Variants in CTSB observed in about 807,000 individuals in gnomAD.
The protein encoded by CTSB is cathepsin B.
A neutral mutation model predicts 44.3 loss-of-function variants in CTSB; 57 were observed. The ratio of observed to expected loss-of-function variants is 1.29; its 90% CI spans 1.04 to 1.60. The LOEUF (loss-of-function observed/expected upper bound fraction) is 1.60, where lower values mean the gene tolerates loss of function less well. Ranked by LOEUF, CTSB falls within the 40% of genes most tolerant of loss-of-function variation. The pLI is 0.00. For missense variants in CTSB, 768 were observed against 443.0 expected, an observed-to-expected ratio of 1.73 and a Z score of -6.59; for synonymous variants, 320 against 168.0, an observed-to-expected ratio of 1.91 and a Z score of -7.00.
At chr8:11,847,023 C>G (rs1006473989) in intron 8 of CTSB, 29 bp downstream of exon 8, 1 of 1,199,626 alleles carries the variant, frequency 8.3e-7, no homozygotes, top group African/African-American at 1.5e-5. Context: ...GACCCCCACC[C>G]TCTATTGCCA....
Position 11,847,128 on chromosome 8 carries a change from G to A in CTSB, c.717C>T (p.Ile239=), listed in dbSNP as rs1813531381. ...SYSVSNSEKD[I]MAEIYKNGPV... is the part of the protein sequence containing the mutation. ...GGCCGTTTTTGTAGATCTCGGCCATGATGTCCTTCTCGCTATTGGAGACGC... is the reference window on the plus strand; with the variant it reads ...GGCCGTTTTTGTAGATCTCGGCCATAATGTCCTTCTCGCTATTGGAGACGC... The change falls in exon 8 of 10, where the codon ATC becomes ATT. Residue 239 remains isoleucine (I), a synonymous_variant. Coordinates refer to ENST00000353047, the MANE Select transcript of CTSB (RefSeq NM_001908.5). 4 of 1,599,424 alleles carry A rather than the reference G, an allele frequency of 2.5e-6. No homozygotes were observed. Among genetic ancestry groups the A allele is most frequent in the Non-Finnish European group, 3.4e-6 (4 of 1,173,104 alleles).
intron 4 of CTSB, 70 bp from the exon 5 acceptor site, chr8:11,849,234 A>C (rs1814072276): frequency 8.2e-7 from 1 of 1,222,124 alleles, no homozygotes; most frequent in South Asian, 1.2e-5. Flanking sequence ...GTCCCCTCAA[A>C]GGGCCACAGG....
chr8:11,848,026 C>G (rs142574064), intron 6 of CTSB, 41 bp downstream of exon 6: 1 of 1,512,456 alleles, frequency 6.6e-7, no homozygotes, highest in East Asian at 2.3e-5. Flanking sequence ...ATTGCTCAAA[C>G]AATCCATCTG....
chr8:11,852,751 AC>A, intron 2 of CTSB, 56 bp from the exon 3 acceptor site: 1 of 1,511,238 alleles, frequency 6.6e-7, no homozygotes, highest in Non-Finnish European at 9.2e-7. Flanking sequence ...GTGGATGGGC[AC>A]GCTGCCCACA....
chr8:11,849,833 A>T (rs925507401), intron 4 of CTSB, among the ~76,000 whole-genome samples: 5 of 151,960 alleles, frequency 3.3e-5, no homozygotes, highest in Non-Finnish European at 7.4e-5. Flanking sequence ...CGCCTGCCTC[A>T]GCCTCCCAAA....
Position 11,850,997 on chromosome 8 carries a change from C to A in CTSB, c.213-17G>T. Reference sequence around the variant, plus strand: ...AACATAACTCTGGATAAAGGAAGGTCTTCATTACAAGCTCTGATCCCACAA... The same window carrying A: ...AACATAACTCTGGATAAAGGAAGGTATTCATTACAAGCTCTGATCCCACAA... On this transcript the variant is annotated splice_polypyrimidine_tract_variant and intron_variant, in intron 3 of 9. Transcript: ENST00000353047. 1 of 1,585,778 alleles carries A rather than the reference C, an allele frequency of 6.3e-7. No homozygotes were observed. Among genetic ancestry groups the A allele is most frequent in the South Asian group, 1.1e-5 (1 of 89,486 alleles).
chr8:11,851,232 C>T (rs1361643525), intron 3 of CTSB, among the ~76,000 whole-genome samples: 6 of 152,170 alleles, frequency 3.9e-5, no homozygotes, highest in Non-Finnish European at 7.3e-5. Flanking sequence ...CTGTGTCATC[C>T]AGGCTGGAGT....
At chr8:11,860,500 T>C (rs2150440239) in intron 1 of CTSB, among the ~76,000 whole-genome samples, 1 of 152,268 alleles carries the variant, frequency 6.6e-6, no homozygotes, top group South Asian at 2.1e-4. Context: ...GTTGTGCACC[T>C]ATAATCCCAA....
chr8:11,850,638 G>C, intron 4 of CTSB: 7 of 406,624 alleles, frequency 1.7e-5, no homozygotes, highest in Non-Finnish European at 3.2e-5. Flanking sequence ...TTCGCCACCT[G>C]TACACGTGGA....
In CTSB at chr8:11,847,840, AAAGCGGAGTCAACCTAC is replaced by A. The variant is rs1813712489; in HGVS notation, c.533-35_533-19del. Reference sequence around the variant, plus strand: ...TCTGCACCCTGATGGGACGCGGGAGAAAGCGGAGTCAACCTACAGCCCCCACGGAGAAGACCTGGGGC... The same window carrying A: ...TCTGCACCCTGATGGGACGCGGGAGAAGCCCCCACGGAGAAGACCTGGGGC... On this transcript the variant is annotated intron_variant, in intron 6 of 9. Coordinates refer to ENST00000353047, the MANE Select transcript of CTSB (RefSeq NM_001908.5). The A allele has an allele frequency of 6.4e-7, 1 of 1,554,930 alleles. No homozygotes were observed. The highest frequency in any genetic ancestry group is 1.5e-5 in the African/African-American group (1 of 65,570).
At chr8:11,854,797 G>C (rs943626929) in intron 1 of CTSB, 1 of 152,406 alleles carries the variant, frequency 6.6e-6, no homozygotes. Flanking sequence ...AAAGAGCTCT[G>C]ACGGGAGCCC....
intron 4 of CTSB, 33 bp from the exon 5 acceptor site, chr8:11,849,197 C>T (rs1814061592): frequency 6.3e-7 from 1 of 1,581,328 alleles, no homozygotes; most frequent in Non-Finnish European, 8.7e-7. Flanking sequence ...GTGAGGCTGC[C>T]ATGTCCGGGC....
At position 11,847,743 on chromosome 8, in the gene CTSB, G is replaced by A. The variant is rs773352297; in HGVS notation, c.612C>T (p.Thr204=). 1.9e-6 allele frequency: 3 copies of A among 1,601,112 alleles called. No individual in the cohort carries two copies. The highest frequency in any genetic ancestry group is 1.1e-5 in the South Asian group (1 of 89,282). ...GCTCACAGATCTTGCTACACTTGGGGGTATCTCCCTCCCCCGTGCATGGGG... is the reference window on the plus strand; with the variant it reads ...GCTCACAGATCTTGCTACACTTGGGAGTATCTCCCTCCCCCGTGCATGGGG... The part of the protein sequence containing the change: ...SRPPCTGEGD[T]PKCSKICEPG... Residue 204 remains threonine (T), a synonymous_variant, in exon 7 of 10, where the codon ACC becomes ACT. Transcript: ENST00000353047.
chr8:11,852,614 G>T lies in CTSB; in HGVS notation c.208C>A (p.Gln70Lys). 1 of 1,612,704 alleles carries T rather than the reference G, an allele frequency of 6.2e-7. No individual in the cohort carries two copies. Among genetic ancestry groups the T allele is most frequent in the South Asian group, 1.1e-5 (1 of 91,040 alleles). The change falls in exon 3 of 10, where the codon CAG becomes AAG. Residue 70 changes from glutamine (Q) to lysine (K), a missense_variant. Coordinates refer to ENST00000353047, the MANE Select transcript of CTSB (RefSeq NM_001908.5). Reference sequence around the variant, plus strand: ...TGCAGAGGAGCAGGCACTCACCTCTGGGGTGGCTTGGGCCCACCCAGGAAG... The same window carrying T: ...TGCAGAGGAGCAGGCACTCACCTCTTGGGTGGCTTGGGCCCACCCAGGAAG... ...GTFLGGPKPP[Q>K]RVMFTEDLKL...
chr8:11,850,945 C>T lies in CTSB; in HGVS notation c.248G>A (p.Ser83Asn), dbSNP rs770209708. 1 of 1,613,256 alleles carries T rather than the reference C, an allele frequency of 6.2e-7. No individual in the cohort carries two copies. The highest frequency in any genetic ancestry group is 1.3e-5 in the African/African-American group (1 of 74,902). Residue 83 changes from serine to asparagine, a missense_variant, in exon 4 of 10, where the codon AGC becomes AAC. Transcript: ENST00000353047. ...MFTEDLKLPA[S>N]FDAREQWPQC... ...TGGCCATTGTTCCCGTGCATCGAAG[C>T]TTGCAGGCAGCTTCAGGTCCTCGGT... is the stretch of plus-strand genomic sequence containing the variant.
chr8:11,853,357 T>A lies in CTSB; in HGVS notation c.98A>T (p.Tyr33Phe), dbSNP rs200750015. The A allele has an allele frequency of 5.0e-6, 8 of 1,613,082 alleles. No homozygotes were observed. The East Asian group carries it at 1.6e-4, about 31-fold the overall frequency. Residue 33 changes from tyrosine to phenylalanine, a missense_variant, in exon 2 of 10, where the codon TAT (tyrosine) becomes TTT (phenylalanine). Tyr to Phe is a conservative substitution (Grantham distance 22). Coordinates refer to ENST00000353047, the MANE Select transcript of CTSB (RefSeq NM_001908.5). ...CCACGTGGTATTCCGTTTGTTGACA[T>A]AGTTGACCAGCTCATCCGACAGGGG... ...FHPLSDELVN[Y>F]VNKRNTTWQA...
intron 1 of CTSB, chr8:11,862,320 G>C (rs1442660795): frequency 6.6e-6 from 1 of 152,138 alleles, no homozygotes; most frequent in Non-Finnish European, 1.5e-5. Context: ...AAGATACAAG[G>C]AGACACTCTT....
At chr8:11,867,283 G>C (rs1054604376) in intron 1 of CTSB, 1 of 152,112 alleles carries the variant, frequency 6.6e-6, no homozygotes, top group South Asian at 2.1e-4. Flanking sequence ...CAGGGACTCT[G>C]CCCGGCCTCC....
chr8:11,845,021 C>T lies in CTSB; in HGVS notation c.*104G>A. On this transcript the variant is annotated 3_prime_UTR_variant, in exon 10 of 10. Coordinates refer to ENST00000353047, the MANE Select transcript of CTSB (RefSeq NM_001908.5). ...GGTCTGATGTTTGGCCAATCCAGTCCTTCAGACCCTGTCTGAAACTTGTAT... is the reference window on the plus strand; with the variant it reads ...GGTCTGATGTTTGGCCAATCCAGTCTTTCAGACCCTGTCTGAAACTTGTAT... The T allele has an allele frequency of 5.1e-6, 4 of 787,716 alleles. No individual in the cohort carries two copies. Among genetic ancestry groups the T allele is most frequent in the Middle Eastern group, 3.4e-4 (1 of 2,906 alleles). 48.8% of individuals were successfully genotyped at this position (787,716 alleles called of 1,614,324 possible). A position where few individuals can be genotyped will look rare whatever the true frequency, so the allele number is the denominator to read the frequency against.
Sources: gnomAD v4.1 joint callset for allele counts (sites outside exome capture counted in the v4.1 genomes callset) on GRCh38, gnomAD v4.1.1 for gene constraint, MANE v1.5 for transcripts, NCBI Gene and HGNC (gene_info 2026-07-23, HGNC 2026-07-21) for gene names.